ALG13: variants seen among roughly 807,000 people sequenced by gnomAD.
ALG13 encodes ALG13 UDP-N-acetylglucosaminyltransferase subunit, also known as UDP-N-acetylglucosamine transferase subunit ALG13.
A neutral mutation model predicts 87.8 loss-of-function variants in ALG13; 11 were observed. The ratio of observed to expected loss-of-function variants is 0.13; its 90% CI spans 0.08 to 0.21. The LOEUF (loss-of-function observed/expected upper bound fraction) is 0.21, where lower values mean the gene tolerates loss of function less well. Among genes scored for constraint, ALG13 ranks in the 10% least tolerant of loss-of-function variants. The pLI is 1.00. For missense variants in ALG13, 756 were observed against 866.1 expected (o/e 0.87, Z 1.60); for synonymous variants, 320 against 306.3 (o/e 1.04, Z -0.47).
chrX:111,732,129 G>A (rs1942761807), intron 21 of ALG13, among the ~76,000 whole-genome samples: 1 of 111,569 alleles, frequency 9.0e-6, no homozygotes, highest in African/African-American at 3.3e-5. Context: ...ATTCCTGCCT[G>A]CAAACTACTA....
intron 3 of ALG13, 112 bp from the exon 4 acceptor site, chrX:111,707,915 C>T: frequency 1.0e-5 from 9 of 863,056 alleles, no homozygotes; most frequent in Non-Finnish European, 1.4e-5. Context: ...GGGTTAATTC[C>T]ACTCTTTCCC....
In ALG13 at chrX:111,709,031, C is replaced by G; in HGVS notation, c.817C>G (p.Gln273Glu). 8.5e-7 allele frequency: 1 copy of G among 1,172,206 alleles called. No individual in the cohort carries two copies. Among genetic ancestry groups the G allele is most frequent in the Non-Finnish European group, 1.2e-6 (1 of 868,776 alleles). ...TTGTGTCTCATATATGAGGGAAAAT[C>G]AACAAACTTTTGAGTCTGTAAGTAG... is the stretch of plus-strand genomic sequence containing the variant. ...KACVSYMREN[Q>E]QTFESYVEGS... The change falls in exon 5 of 27, where the codon CAA becomes GAA. Residue 273 changes from glutamine (Q) to glutamate (E), a missense_variant. By Grantham distance (29) the Gln-to-Glu change is conservative. Around this residue, in one of 9 missense-constraint regions of ALG13, gnomAD observed 60 missense variants for 54.5 expected, o/e 1.10. Coordinates refer to ENST00000394780, the MANE Select transcript of ALG13 (RefSeq NM_001099922.3).
chrX:111,747,040 G>A (rs1944303615), intron 24 of ALG13, among the ~76,000 whole-genome samples: 1 of 111,898 alleles, frequency 8.9e-6, no homozygotes, highest in African/African-American at 3.2e-5. Context: ...TGGAATATTT[G>A]ATACAATGAT....
In ALG13 at chrX:111,698,443, A is replaced by G. The variant is rs1602582766; in HGVS notation, c.384-9584A>G. Among the ~76,000 whole-genome samples the G allele has an allele frequency of 3.6e-5, 4 of 111,286 alleles. 1 individual carries two copies. On this transcript the variant is annotated intron_variant, in intron 3 of 26. Coordinates refer to ENST00000394780, the MANE Select transcript of ALG13 (RefSeq NM_001099922.3). ...TTGACTGTAGCGACTCTGCTGTACA[A>G]AAGATCCCAGAACTTATGTCCTCTG... is the stretch of plus-strand genomic sequence containing the variant.
chrX:111,721,941 G>A (rs1941439470), intron 12 of ALG13, among the ~76,000 whole-genome samples: 1 of 111,493 alleles, frequency 9.0e-6, no homozygotes, highest in South Asian at 3.8e-4. Flanking sequence ...CAAAGACTGT[G>A]TGGAGACAAT....
At chrX:111,681,832 G>C (rs1211217390) in intron 1 of ALG13, 9 of 869,624 alleles carry the variant, frequency 1.0e-5, no homozygotes, top group African/African-American at 2.1e-5. Context: ...ATCAAGTGAG[G>C]CAGAACGGGT....
Position 111,681,579 on chromosome X carries a change from A to G in ALG13, c.81+280A>G, listed in dbSNP as rs1026834108. 5 of 944,964 alleles carry G rather than the reference A, an allele frequency of 5.3e-6. No homozygotes were observed. In the East Asian group the frequency reaches 1.4e-4, roughly 26 times the overall value. The allele number at this position is 944,964 out of a possible 1,213,427, so 77.9% of individuals were successfully genotyped here. A position where few individuals can be genotyped will look rare whatever the true frequency, so the allele number is the denominator to read the frequency against. On this transcript the variant is annotated intron_variant, in intron 1 of 26. Transcript: ENST00000394780. ...CTTTTCCGGTCTGCCCCCGCGCTCT[A>G]TTCTCCGCCTCCGCGTCCTCCGCCC...
chrX:111,705,917 C>T (rs1158277907), intron 3 of ALG13, among the ~76,000 whole-genome samples: 1 of 111,237 alleles, frequency 9.0e-6, no homozygotes, highest in Admixed American at 9.5e-5. Flanking sequence ...TTCCCCCATT[C>T]CCTTCCTCAA....
chrX:111,693,265 T>A (rs904414563), intron 3 of ALG13, among the ~76,000 whole-genome samples: 1 of 106,604 alleles, frequency 9.4e-6, no homozygotes, highest in Non-Finnish European at 1.9e-5. Flanking sequence ...TATTTATTTT[T>A]TTTTTTTTTA....
At chrX:111,703,932 G>A (rs186566854) in intron 3 of ALG13, among the ~76,000 whole-genome samples, 1 of 112,211 alleles carries the variant, frequency 8.9e-6, no homozygotes, top group African/African-American at 3.2e-5. Flanking sequence ...ATAAGAAACT[G>A]TTAAACTATT....
At position 111,724,032 on chromosome X, in the gene ALG13, T is replaced by C. The variant is rs144509923; in HGVS notation, c.1601+134T>C. 1,485 of 431,064 alleles carry C rather than the reference T, an allele frequency of 3.4e-3. 5 individuals are homozygous for C. The highest frequency in any genetic ancestry group is 0.014 in the East Asian group (351 of 24,687). The allele number at this position is 431,064 out of a possible 1,213,427, so 35.5% of individuals were successfully genotyped here. A position where few individuals can be genotyped will look rare whatever the true frequency, so the allele number is the denominator to read the frequency against. ...TCTACTGTTGGCCTAGGATGACTTA[T>C]CTTGAATTATAAAAGCATGTGCTGA... On this transcript the variant is annotated intron_variant, in intron 14 of 26. Transcript: ENST00000394780.
At position 111,744,739 on chromosome X, in the gene ALG13, C is replaced by G. The variant is rs367918178; in HGVS notation, c.2767C>G (p.Pro923Ala). The G allele has an allele frequency of 9.7e-7, 1 of 1,033,535 alleles. No individual in the cohort carries two copies. The allele number at this position is 1,033,535 out of a possible 1,213,427, so 85.2% of individuals were successfully genotyped here. A position where few individuals can be genotyped will look rare whatever the true frequency, so the allele number is the denominator to read the frequency against. Residue 923 changes from proline (P) to alanine (A), a missense_variant, in exon 24 of 27, where the codon CCA becomes GCA. Physicochemically the swap from Pro to Ala is conservative, Grantham distance 27. Around this residue, in one of 9 missense-constraint regions of ALG13, gnomAD observed 362 missense variants for 383.5 expected, o/e 0.94. Transcript: ENST00000394780. ...HAGASLPPPP[P>A]PPPPPPPPPP... Reference sequence around the variant, plus strand: ...TGGTGCCTCTCTACCACCACCACCACCACCACCACCACCACCACCACCACC... The same window carrying G: ...TGGTGCCTCTCTACCACCACCACCAGCACCACCACCACCACCACCACCACC...
Position 111,753,074 on chromosome X carries a change from C to G in ALG13, c.2973+244C>G, listed in dbSNP as rs1402603013. The G allele has an allele frequency of 1.5e-5, 4 of 271,329 alleles. No individual in the cohort carries two copies. The East Asian group carries it at 2.4e-4, about 16-fold the overall frequency. The allele number at this position is 271,329 out of a possible 1,213,427, so 22.4% of individuals were successfully genotyped here. On this transcript the variant is annotated intron_variant, in intron 25 of 26. Transcript: ENST00000394780. ...GGTACTGGGCTGTAAGCAGCACAATCAGCATATATTAGATGAGCCATCATA... is the reference window on the plus strand; with the variant it reads ...GGTACTGGGCTGTAAGCAGCACAATGAGCATATATTAGATGAGCCATCATA...
intron 24 of ALG13, among the ~76,000 whole-genome samples, chrX:111,746,883 G>C (rs1944288783): frequency 9.0e-6 from 1 of 111,601 alleles, no homozygotes. Context: ...TCTGGTGACT[G>C]ATCATGTTGT....
intron 21 of ALG13, among the ~76,000 whole-genome samples, chrX:111,733,156 G>GT (rs1202076473): frequency 1.8e-5 from 2 of 110,932 alleles, no homozygotes; most frequent in African/African-American, 6.6e-5. Flanking sequence ...ATTTCAATAG[G>GT]TTTTTTGGAG....
At chrX:111,733,058 C>G (rs116578593) in intron 21 of ALG13, among the ~76,000 whole-genome samples, 2,785 of 111,421 alleles carry the variant, frequency 0.025, 81 homozygotes, top group African/African-American at 0.087. Flanking sequence ...AAATCCATAG[C>G]AAATTTCTAT....
intron 3 of ALG13, among the ~76,000 whole-genome samples, chrX:111,706,265 G>A (rs1412471529): frequency 8.9e-5 from 10 of 112,204 alleles, no homozygotes; most frequent in East Asian, 8.4e-4. Context: ...TCCTGACCTC[G>A]TGATCTGCCT....
chrX:111,759,889 G>A lies in ALG13; in HGVS notation c.3304G>A (p.Gly1102Ser). ...YSCVPPWHPV[G>S]TAYGGSSQIH... ...CTGTGTTCCCCCCTGGCATCCAGTT[G>A]GTACAGCATATGGTGGTTCTTCTCA... Residue 1102 changes from glycine to serine, a missense_variant, in exon 27 of 27, where the codon GGT becomes AGT. By Grantham distance (56) the Gly-to-Ser change is moderately conservative (BLOSUM62 0). Around this residue, in one of 9 missense-constraint regions of ALG13, gnomAD observed 110 missense variants for 104.9 expected, o/e 1.05. Coordinates refer to ENST00000394780, the MANE Select transcript of ALG13 (RefSeq NM_001099922.3). The A allele has an allele frequency of 8.3e-7, 1 of 1,210,719 alleles. No homozygotes were observed. The highest frequency in any genetic ancestry group is 3.0e-5 in the East Asian group (1 of 33,785).
At chrX:111,758,637 G>A (rs1026940010) in intron 26 of ALG13, among the ~76,000 whole-genome samples, 9 of 111,840 alleles carry the variant, frequency 8.0e-5, no homozygotes, top group African/African-American at 2.9e-4. Flanking sequence ...ATATGACCAA[G>A]GTGTGATTTT....
Sources: allele counts gnomAD v4.1 joint callset (sites outside exome capture counted in the v4.1 genomes callset), GRCh38; gene constraint gnomAD v4.1.1; regional missense constraint gnomAD v4.1.1; transcripts MANE v1.5; gene names NCBI Gene and HGNC (gene_info 2026-07-23, HGNC 2026-07-21).